The following CSPP1 variants were observed in gnomAD, a reference collection of about 807,000 sequenced individuals.
The protein encoded by CSPP1 is centrosome and spindle pole associated protein 1.
CSPP1 carries 126 observed loss-of-function variants against 164.4 expected under a neutral mutation model. The ratio of observed to expected loss-of-function variants is 0.77; its 90% CI spans 0.66 to 0.89. The LOEUF (loss-of-function observed/expected upper bound fraction) is 0.89, where lower values mean the gene tolerates loss of function less well. Among genes scored for constraint, CSPP1 ranks in the 40% least tolerant of loss-of-function variants. The pLI is 0.00. For missense variants in CSPP1, 1,395 were observed against 1,449.8 expected, an observed-to-expected ratio of 0.96 and a Z score of 0.61; for synonymous variants, 472 against 476.7, an observed-to-expected ratio of 0.99 and a Z score of 0.13.
chr8:67,096,909 A>C (rs1291644792), intron 7 of CSPP1, among the ~76,000 whole-genome samples: 3 of 152,144 alleles, frequency 2.0e-5, no homozygotes, highest in Non-Finnish European at 2.9e-5. Context: ...ACGTGTGAAA[A>C]AAGGATACCT....
chr8:67,187,888 G>A (rs904830659), intron 28 of CSPP1, among the ~76,000 whole-genome samples: 4 of 152,132 alleles, frequency 2.6e-5, no homozygotes, highest in Non-Finnish European at 5.9e-5. Context: ...ACTCAAAGTC[G>A]ATCTTACATC....
rs755021253 is a variant in CSPP1, at chr8:67,163,760, C to T, written c.2672C>T (p.Pro891Leu). 80 of 1,613,464 alleles carry T rather than the reference C, an allele frequency of 5.0e-5. No individual in the cohort carries two copies. The East Asian group carries it at 1.6e-3, about 33-fold the overall frequency. The stretch of plus-strand genomic sequence containing the variant: ...AGTTCCATGTCCAGGGCACAGTCAC[C>T]CCCGGTACCTGCCAGGAAAAATCAG... ...HESSMSRAQS[P>L]PVPARKNQLR... Residue 891 changes from proline (P) to leucine (L), a missense_variant, in exon 23 of 31, where the codon CCC becomes CTC. Pro to Leu is a moderately conservative substitution (Grantham distance 98, BLOSUM62 -3). Transcript: ENST00000678616.
chr8:67,093,406 T>G, intron 5 of CSPP1, 137 bp from the exon 6 acceptor site: 1 of 582,204 alleles, frequency 1.7e-6, no homozygotes, highest in South Asian at 2.4e-5. Context: ...CATCTGTCCT[T>G]GAAATTATTA....
At chr8:67,128,333 G>A (rs942929076) in intron 15 of CSPP1, among the ~76,000 whole-genome samples, 1 of 152,112 alleles carries the variant, frequency 6.6e-6, no homozygotes, top group Non-Finnish European at 1.5e-5. Flanking sequence ...GAGGTCAGGA[G>A]TTCAAGATCA....
rs1464172394 is a variant in CSPP1, at chr8:67,095,792, TGCTG to T, written c.923+61_923+64del. Reference sequence around the variant, plus strand: ...ATATAGCAAATTAATTGTTAATATTTGCTGTTGTTACTTTTTATCATTATACTAG... The same window carrying T: ...ATATAGCAAATTAATTGTTAATATTTTTGTTACTTTTTATCATTATACTAG... On this transcript the variant is annotated intron_variant, in intron 7 of 30. Transcript: ENST00000678616. 383 of 1,029,434 alleles carry T rather than the reference TGCTG, an allele frequency of 3.7e-4. 1 individual carries two copies. The African/African-American group carries it at 5.5e-3, about 15-fold the overall frequency. The allele number at this position is 1,029,434 out of a possible 1,614,324, so 63.8% of individuals were successfully genotyped here.
At chr8:67,086,263 A>G in intron 4 of CSPP1, 153 bp downstream of exon 4, 2 of 725,364 alleles carry the variant, frequency 2.8e-6, no homozygotes, top group South Asian at 2.8e-5. Context: ...CATATATGAC[A>G]TTGGTAGAGA....
At position 67,137,596 on chromosome 8, in the gene CSPP1, T is replaced by C; in HGVS notation, c.1968T>C (p.Asn656=). The C allele has an allele frequency of 6.5e-7, 1 of 1,543,600 alleles. No individual in the cohort carries two copies. Among genetic ancestry groups the C allele is most frequent in the Non-Finnish European group, 8.7e-7 (1 of 1,149,440 alleles). Reference sequence around the variant, plus strand: ...CTCCTCTCAGGGATGCAAAAGGAAATCTGATAAGTACGTTATTTCTACTGA... The same window carrying C: ...CTCCTCTCAGGGATGCAAAAGGAAACCTGATAAGTACGTTATTTCTACTGA... ...GGAPLRDAKG[N]LITDLNRMHR... is the part of the protein sequence containing the mutation. The change falls in exon 17 of 31, where the codon AAT becomes AAC. Residue 656 remains asparagine, a synonymous_variant. Transcript: ENST00000678616.
intron 4 of CSPP1, among the ~76,000 whole-genome samples, chr8:67,088,274 A>G (rs1358836056): frequency 1.3e-5 from 2 of 151,842 alleles, no homozygotes; most frequent in Non-Finnish European, 2.9e-5. Context: ...GAGTTTTTTA[A>G]GATTTTTTTG....
intron 19 of CSPP1, 87 bp from the exon 20 acceptor site, chr8:67,158,360 G>C: frequency 7.4e-7 from 1 of 1,344,226 alleles, no homozygotes; most frequent in Non-Finnish European, 9.9e-7. Context: ...TACAAGTGTT[G>C]AGTTTATATA....
chr8:67,099,373 G>T (rs1286344687), intron 7 of CSPP1: 1 of 152,118 alleles, frequency 6.6e-6, no homozygotes. Flanking sequence ...CTTGGACCTG[G>T]TTAGTAATTT....
At chr8:67,177,995 T>C (rs1286636170) in intron 27 of CSPP1, among the ~76,000 whole-genome samples, 1 of 152,224 alleles carries the variant, frequency 6.6e-6, no homozygotes, top group Admixed American at 6.5e-5. Context: ...TTAATCTCTT[T>C]ATGCCTCAGC....
intron 7 of CSPP1, among the ~76,000 whole-genome samples, chr8:67,097,857 A>G (rs1374153375): frequency 6.6e-6 from 1 of 151,960 alleles, no homozygotes; most frequent in African/African-American, 2.4e-5. Context: ...TTAAGAATAG[A>G]TTAAACATGA....
intron 29 of CSPP1, among the ~76,000 whole-genome samples, chr8:67,192,523 G>T (rs995894791): frequency 2.6e-5 from 4 of 152,070 alleles, no homozygotes; most frequent in African/African-American, 9.7e-5. Context: ...GTTCTTTGAA[G>T]CACAGAAGTT....
chr8:67,127,872 A>C (rs1197458230), intron 15 of CSPP1, among the ~76,000 whole-genome samples: 1 of 152,264 alleles, frequency 6.6e-6, no homozygotes, highest in East Asian at 1.9e-4. Flanking sequence ...CAGCTGAATT[A>C]TCTTACAAAC....
chr8:67,191,534 G>C (rs1836250486), intron 29 of CSPP1, among the ~76,000 whole-genome samples: 1 of 152,166 alleles, frequency 6.6e-6, no homozygotes, highest in South Asian at 2.1e-4. Context: ...ATCATACACT[G>C]TATGATTATT....
At chr8:67,141,077 A>G (rs1823396025) in intron 17 of CSPP1, among the ~76,000 whole-genome samples, 2 of 152,208 alleles carry the variant, frequency 1.3e-5, no homozygotes, top group African/African-American at 2.4e-5. Flanking sequence ...AGTTACCATG[A>G]AAAATGTGCT....
In CSPP1 at chr8:67,141,662, C is replaced by T. The variant is rs1311474905; in HGVS notation, c.1975+4059C>T. On this transcript the variant is annotated intron_variant, in intron 17 of 30. Coordinates refer to ENST00000678616, the MANE Select transcript of CSPP1 (RefSeq NM_001382391.1). ...TCAGCCTTCTGAGTAGCTGGGATTA[C>T]AGGCATGTGCCACCACGCCCCCCTA... is the stretch of plus-strand genomic sequence containing the variant. Among the ~76,000 whole-genome samples, 4 of 152,198 alleles carry T rather than the reference C, an allele frequency of 2.6e-5. No individual in the cohort carries two copies. In the East Asian group the frequency reaches 7.7e-4, roughly 29 times the overall value.
At chr8:67,104,476 G>C (rs1206587911) in intron 8 of CSPP1, among the ~76,000 whole-genome samples, 1 of 151,928 alleles carries the variant, frequency 6.6e-6, no homozygotes. Context: ...TGTTGTCCAG[G>C]CTGGTCTTGA....
rs574987649 is a variant in CSPP1 at position 67,117,014 on chromosome 8, A to C, written c.1496+892A>C. 5.9e-5 allele frequency among the ~76,000 whole-genome samples: 9 copies of C among 152,330 alleles called. No individual in the cohort carries two copies. The South Asian group carries it at 1.9e-3, about 32-fold the overall frequency. ...TAACAGAGCATTTTATGGTGGTCTCAGCATTGAATTAGGGATTGAAATGGT... is the reference window on the plus strand; with the variant it reads ...TAACAGAGCATTTTATGGTGGTCTCCGCATTGAATTAGGGATTGAAATGGT... On this transcript the variant is annotated intron_variant, in intron 13 of 30. Transcript: ENST00000678616.
Sources: gnomAD v4.1 joint callset for allele counts (sites outside exome capture counted in the v4.1 genomes callset) on GRCh38, gnomAD v4.1.1 for gene constraint, MANE v1.5 for transcripts, NCBI Gene and HGNC (gene_info 2026-07-23, HGNC 2026-07-21) for gene names.